ZC3H7A: variants seen among roughly 807,000 people sequenced by gnomAD.
ZC3H7A encodes zinc finger CCCH-type containing 7A, also known as zinc finger CCCH domain-containing protein 7A.
Under a neutral mutation model 125.5 loss-of-function variants are expected in ZC3H7A, and 44 were observed. The observed-to-expected ratio is 0.35, with a 90% confidence interval of 0.28 to 0.45. The LOEUF is 0.45. Among genes scored for constraint, ZC3H7A ranks in the 20% least tolerant of loss-of-function variants. ZC3H7A has a pLI of 1.00. For synonymous variants in ZC3H7A, 399 were observed against 391.2 expected (o/e 1.02, Z -0.23); for missense variants, 977 against 1,170.7 (o/e 0.83, Z 2.41).
At position 11,751,452 on chromosome 16, in the gene ZC3H7A, A is replaced by G; in HGVS notation, c.2781T>C (p.Asn927=). The G allele has an allele frequency of 6.2e-7, 1 of 1,614,150 alleles. No individual in the cohort carries two copies. The highest frequency in any genetic ancestry group is 8.5e-7 in the Non-Finnish European group (1 of 1,180,018). The change falls in exon 23 of 23, where the codon AAT becomes AAC. Residue 927 remains asparagine, a synonymous_variant. Transcript: ENST00000355758. ...TTTCTTCCCATTCATGAAGTTCGGC[A>G]TTTCCATGTGCAAATTTACAGCTGT... is the stretch of plus-strand genomic sequence containing the variant. ...EGNSCKFAHG[N]AELHEWEERR... is the part of the protein sequence containing the mutation.
At chr16:11,755,766 G>A (rs1214980299) in intron 21 of ZC3H7A, among the ~76,000 whole-genome samples, 2 of 152,144 alleles carry the variant, frequency 1.3e-5, no homozygotes, top group African/African-American at 4.8e-5. Flanking sequence ...TTTCACATGA[G>A]GAGACTTAAG....
intron 10 of ZC3H7A, 66 bp from the exon 11 acceptor site, chr16:11,769,161 T>C: frequency 2.1e-6 from 3 of 1,410,772 alleles, no homozygotes; most frequent in Non-Finnish European, 2.9e-6. Flanking sequence ...CATCAGGGCT[T>C]AGTAGCTTAC....
chr16:11,764,369 TA>T (rs1046997971), intron 15 of ZC3H7A, among the ~76,000 whole-genome samples: 2 of 152,046 alleles, frequency 1.3e-5, no homozygotes, highest in African/African-American at 4.8e-5. Flanking sequence ...GCCAACATGG[TA>T]AAACCCTGTC....
intron 19 of ZC3H7A, among the ~76,000 whole-genome samples, chr16:11,760,137 A>AAAAAAAAAAAAAAAAAAAAAG (rs1555493879): frequency 7.3e-6 from 1 of 137,642 alleles, no homozygotes; most frequent in African/African-American, 2.6e-5. Context: ...AAAAAAAAAA[A>AAAAAAAAAAAAAAAAAAAAAG]AAAAAAAAGA....
intron 9 of ZC3H7A, among the ~76,000 whole-genome samples, chr16:11,773,621 G>A (rs770836631): frequency 2.6e-5 from 4 of 151,820 alleles, no homozygotes; most frequent in Non-Finnish European, 4.4e-5. Flanking sequence ...GGTAGCTCAC[G>A]CTTGTAATCC....
chr16:11,764,188 G>C (rs756800368), intron 15 of ZC3H7A, among the ~76,000 whole-genome samples: 1 of 151,194 alleles, frequency 6.6e-6, no homozygotes, highest in Non-Finnish European at 1.5e-5. Context: ...CAAGACGGGT[G>C]GATCACCTGA....
intron 9 of ZC3H7A, among the ~76,000 whole-genome samples, 169 bp downstream of exon 9, chr16:11,774,067 T>A (rs894364875): frequency 6.6e-6 from 1 of 151,968 alleles, no homozygotes; most frequent in Non-Finnish European, 1.5e-5. Context: ...TATTTCAAAA[T>A]GATCAAATTA....
intron 7 of ZC3H7A, 132 bp downstream of exon 7, chr16:11,776,188 T>A: frequency 1.3e-6 from 1 of 795,978 alleles, no homozygotes; most frequent in Non-Finnish European, 2.0e-6. Context: ...GACAGGAGGG[T>A]ATTGCCAATT....
rs1222114130 is a variant in ZC3H7A at position 11,768,472 on chromosome 16, T to C, written c.1203A>G (p.Ser401=). 4.0e-6 allele frequency: 6 copies of C among 1,497,004 alleles called. No individual in the cohort carries two copies. In the East Asian group the frequency reaches 1.2e-4, roughly 30 times the overall value. 92.7% of individuals were successfully genotyped at this position (1,497,004 alleles called of 1,614,324 possible). The change falls in exon 12 of 23, where the codon TCA becomes TCG. Residue 401 remains serine, a synonymous_variant. Transcript: ENST00000355758. ...LMNGPGSLFA[S]ENFLGISSQP... is the part of the protein sequence containing the mutation. ...GACTTGAAATTCCCAGGAAATTCTC[T>C]GAAGCAAACAAACTACCTGGTCCAT...
chr16:11,752,964 G>T, intron 21 of ZC3H7A, 132 bp from the exon 22 acceptor site: 1 of 1,159,182 alleles, frequency 8.6e-7, no homozygotes, highest in Non-Finnish European at 1.2e-6. Context: ...ACAAGGAAAG[G>T]ACCACAGCAT....
At position 11,775,139 on chromosome 16, in the gene ZC3H7A, G is replaced by T. The variant is rs11859102; in HGVS notation, c.586-126C>A. On this transcript the variant is annotated intron_variant, in intron 7 of 22. Coordinates refer to ENST00000355758, the MANE Select transcript of ZC3H7A (RefSeq NM_014153.4). ...TGTAATCCCAGCACCTGGGGAGGCC[G>T]AGACAGGCAGATCACGAGGTCAGGA... 3.7e-4 allele frequency: 332 copies of T among 902,800 alleles called. No homozygotes were observed. The African/African-American group carries it at 4.3e-3, about 12-fold the overall frequency. The allele number at this position is 902,800 out of a possible 1,614,324, so 55.9% of individuals were successfully genotyped here. A position where few individuals can be genotyped will look rare whatever the true frequency, so the allele number is the denominator to read the frequency against.
chr16:11,754,695 C>G (rs919103096), intron 21 of ZC3H7A, among the ~76,000 whole-genome samples: 4 of 151,384 alleles, frequency 2.6e-5, no homozygotes, highest in Admixed American at 2.6e-4. Context: ...AGTTTGAGAC[C>G]AGCCTGACCA....
chr16:11,777,172 A>G (rs1414192781), intron 4 of ZC3H7A, among the ~76,000 whole-genome samples: 1 of 152,212 alleles, frequency 6.6e-6, no homozygotes, highest in Non-Finnish European at 1.5e-5. Context: ...CAGATCTTCA[A>G]GAAATAAAGC....
Position 11,751,149 on chromosome 16 carries a change from G to T in ZC3H7A, c.*168C>A. 2 of 643,976 alleles carry T rather than the reference G, an allele frequency of 3.1e-6. No individual in the cohort carries two copies. Among genetic ancestry groups the T allele is most frequent in the African/African-American group, 1.8e-5 (1 of 54,286 alleles). 39.9% of individuals were successfully genotyped at this position (643,976 alleles called of 1,614,324 possible). On this transcript the variant is annotated 3_prime_UTR_variant, in exon 23 of 23. Coordinates refer to ENST00000355758, the MANE Select transcript of ZC3H7A (RefSeq NM_014153.4). ...CAGTGGTTCCGTGAGAGCGTGGCCA[G>T]GCCTGTGAAACAGCCCATTTTCCTA...
intron 9 of ZC3H7A, among the ~76,000 whole-genome samples, chr16:11,773,746 G>C (rs1040440036): frequency 4.0e-5 from 6 of 151,706 alleles, no homozygotes; most frequent in African/African-American, 1.5e-4. Flanking sequence ...AGCCAGGCGT[G>C]GTGGCGGGCG....
chr16:11,769,648 T>C (rs1476335954), intron 10 of ZC3H7A, among the ~76,000 whole-genome samples: 3 of 128,098 alleles, frequency 2.3e-5, no homozygotes, highest in African/African-American at 9.6e-5. Context: ...GAGGCAGAGG[T>C]TGCAGTGAGC....
At chr16:11,758,627 A>G in intron 19 of ZC3H7A, 88 bp from the exon 20 acceptor site, 1 of 832,246 alleles carries the variant, frequency 1.2e-6, no homozygotes, top group Admixed American at 2.2e-5. Context: ...AAGCATTATT[A>G]TCCATGCTAA....
In ZC3H7A at chr16:11,778,427, A is replaced by G. The variant is rs563884489; in HGVS notation, c.306+739T>C. Among the ~76,000 whole-genome samples, 65 of 131,498 alleles carry G rather than the reference A, an allele frequency of 4.9e-4. No homozygotes were observed. The South Asian group carries it at 0.018, about 37-fold the overall frequency. 86.3% of individuals were successfully genotyped at this position (131,498 alleles called of 152,430 possible). On this transcript the variant is annotated intron_variant, in intron 4 of 22. Coordinates refer to ENST00000355758, the MANE Select transcript of ZC3H7A (RefSeq NM_014153.4). The stretch of plus-strand genomic sequence containing the variant: ...ACTCCAGCCTGGGTGACAGAGCGAG[A>G]CACTGTCTCAAAAAAAAAAAAAAAA...
chr16:11,778,788 A>G (rs1311209906), intron 4 of ZC3H7A, among the ~76,000 whole-genome samples: 1 of 152,118 alleles, frequency 6.6e-6, no homozygotes, highest in Non-Finnish European at 1.5e-5. Context: ...ATCTCGGCTC[A>G]CTGCAAGCTT....
Sources: allele counts gnomAD v4.1 joint callset (sites outside exome capture counted in the v4.1 genomes callset), GRCh38; gene constraint gnomAD v4.1.1; transcripts MANE v1.5; gene names NCBI Gene and HGNC (gene_info 2026-07-23, HGNC 2026-07-21).